The following SLC24A2 variants were observed in gnomAD, a reference collection of about 807,000 sequenced individuals.
The protein encoded by SLC24A2 is solute carrier family 24 member 2, also known as sodium/potassium/calcium exchanger 2.
SLC24A2 carries 36 observed loss-of-function variants against 62.0 expected under a neutral mutation model. The observed-to-expected ratio is 0.58, with a 90% CI of 0.44 to 0.77. The LOEUF (loss-of-function observed/expected upper bound fraction) is 0.77, where lower values mean the gene tolerates loss of function less well. Ranked by LOEUF, SLC24A2 falls within the 30% of genes least tolerant of loss-of-function variation. The probability of loss-of-function intolerance (pLI) is 0.00; values close to 1 mark genes in which losing one functional copy is unlikely to be tolerated. For synonymous variants in SLC24A2, 358 were observed against 294.0 expected, an observed-to-expected ratio of 1.22 and a Z score of -2.23; for missense variants, 846 against 817.9, an observed-to-expected ratio of 1.03 and a Z score of -0.42.
At chr9:19,684,510 A>G (rs142428921) in intron 2 of SLC24A2, among the ~76,000 whole-genome samples, 53 of 152,152 alleles carry the variant, frequency 3.5e-4, no homozygotes, top group African/African-American at 1.2e-3. Flanking sequence ...GACCCACACT[A>G]CAAGTGAGCA....
chr9:20,293,842 C>T, the SLC24A2 span, among the ~76,000 whole-genome samples: 1 of 152,238 alleles, frequency 6.6e-6, no homozygotes, highest in East Asian at 1.9e-4. Flanking sequence ...CCACTCCCAC[C>T]CCCTTAGTCC....
Position 19,508,288 on chromosome 9 carries a change from C to G in SLC24A2, c.*7865G>C, listed in dbSNP as rs1832582940. 1 of 152,158 alleles carries G rather than the reference C, an allele frequency of 6.6e-6. No individual in the cohort carries two copies. Among genetic ancestry groups the G allele is most frequent in the African/African-American group, 2.4e-5 (1 of 41,436 alleles). 9.4% of individuals were successfully genotyped at this position (152,158 alleles called of 1,614,324 possible). On this transcript the variant is annotated 3_prime_UTR_variant, in exon 11 of 11. Transcript: ENST00000341998. ...ATAGAGTCTCAGCCCTTTAGAGAAA[C>G]TCTTCAGACCACAAAACAGCCTCTA...
chr9:19,865,686 T>G, the SLC24A2 span, among the ~76,000 whole-genome samples: 1 of 152,100 alleles, frequency 6.6e-6, no homozygotes, highest in Admixed American at 6.5e-5. Context: ...TCTTGCCATA[T>G]ACAAAAATCA....
chr9:19,574,965 T>G (rs115311006), intron 6 of SLC24A2, among the ~76,000 whole-genome samples: 1 of 152,136 alleles, frequency 6.6e-6, no homozygotes, highest in African/African-American at 2.4e-5. Context: ...AGAATGTGCT[T>G]TTTTTTTCCT....
chr9:19,907,126 T>C, the SLC24A2 span, among the ~76,000 whole-genome samples: 1 of 152,066 alleles, frequency 6.6e-6, no homozygotes, highest in Non-Finnish European at 1.5e-5. Context: ...AGCTTATCCA[T>C]CATGATCAAG....
At chr9:19,563,129 T>A (rs1287787481) in intron 7 of SLC24A2, among the ~76,000 whole-genome samples, 1 of 151,870 alleles carries the variant, frequency 6.6e-6, no homozygotes, top group Non-Finnish European at 1.5e-5. Flanking sequence ...ATAAACAGTC[T>A]GATGAAGAGT....
the SLC24A2 span, among the ~76,000 whole-genome samples, chr9:20,113,790 T>C: frequency 2.6e-5 from 4 of 152,320 alleles, no homozygotes; most frequent in East Asian, 7.7e-4. Context: ...GTCTTCTATA[T>C]AAATTTTTAT....
In SLC24A2 at chr9:19,528,064, G is replaced by C. The variant is rs768106177; in HGVS notation, c.1554C>G (p.Val518=). ...AAAATCTTACCTGGTGCGCCCACCA[G>C]ACCATCAAGTAAGAGAATACTGCAA... ...TWIAVFSYLM[V]WWAHQVGETI... The change falls in exon 9 of 11, where the codon GTC becomes GTG. Residue 518 remains valine (V), a synonymous_variant. Coordinates refer to ENST00000341998, the MANE Select transcript of SLC24A2 (RefSeq NM_020344.4). The C allele has an allele frequency of 5.0e-6, 8 of 1,593,058 alleles. No individual in the cohort carries two copies. The South Asian group carries it at 6.9e-5, about 14-fold the overall frequency.
the SLC24A2 span, among the ~76,000 whole-genome samples, chr9:20,300,845 A>G: frequency 0.1 from 15,379 of 152,216 alleles, 1,667 homozygotes; most frequent in East Asian, 0.32. Context: ...TGTGTTACAG[A>G]TAATATAAAG....
At chr9:19,990,574 G>A in the SLC24A2 span, among the ~76,000 whole-genome samples, 1 of 143,608 alleles carries the variant, frequency 7.0e-6, no homozygotes, top group Non-Finnish European at 1.5e-5. Context: ...TCACACCACT[G>A]CACTCCAGCC....
chr9:20,218,914 C>T, the SLC24A2 span, among the ~76,000 whole-genome samples: 2 of 152,150 alleles, frequency 1.3e-5, no homozygotes, highest in African/African-American at 4.8e-5. Flanking sequence ...GGCTCAGAGT[C>T]ATTGGGAACC....
chr9:19,627,335 AT>A (rs1564005134), intron 2 of SLC24A2, among the ~76,000 whole-genome samples: 2 of 152,166 alleles, frequency 1.3e-5, no homozygotes. Flanking sequence ...TAGTAGAAAA[AT>A]TTTTTGAGAA....
At chr9:20,169,982 CA>C in the SLC24A2 span, among the ~76,000 whole-genome samples, 1 of 151,640 alleles carries the variant, frequency 6.6e-6, no homozygotes, top group Non-Finnish European at 1.5e-5. Flanking sequence ...ACAGCATAAG[CA>C]AAAACAATCA....
intron 4 of SLC24A2, among the ~76,000 whole-genome samples, chr9:19,608,317 CTT>C (rs879339807): frequency 3.5e-5 from 5 of 143,378 alleles, no homozygotes; most frequent in Non-Finnish European, 3.1e-5. Context: ...CATTTTGAAG[CTT>C]TTTTTTTTTT....
intron 2 of SLC24A2, among the ~76,000 whole-genome samples, chr9:19,724,577 G>C (rs78796773): frequency 0.02 from 3,105 of 152,190 alleles, 112 homozygotes; most frequent in African/African-American, 0.071. Flanking sequence ...TACAAGGTCT[G>C]ATATTTTACT....
intron 7 of SLC24A2, among the ~76,000 whole-genome samples, chr9:19,572,319 T>C (rs1478188587): frequency 6.6e-6 from 1 of 151,566 alleles, no homozygotes; most frequent in Non-Finnish European, 1.5e-5. Context: ...GCTGTGAGGT[T>C]AAAGGTGATA....
At chr9:20,191,468 C>G in the SLC24A2 span, among the ~76,000 whole-genome samples, 2 of 151,876 alleles carry the variant, frequency 1.3e-5, no homozygotes, top group African/African-American at 4.8e-5. Flanking sequence ...AGGTGAGTGC[C>G]TAAGACCAGA....
intron 2 of SLC24A2, among the ~76,000 whole-genome samples, chr9:19,641,328 C>T (rs1818486973): frequency 6.6e-6 from 1 of 152,238 alleles, no homozygotes; most frequent in Non-Finnish European, 1.5e-5. Context: ...CTCCTCCAAA[C>T]ATGCATATCC....
chr9:20,144,070 AT>A, the SLC24A2 span, among the ~76,000 whole-genome samples: 1 of 152,202 alleles, frequency 6.6e-6, no homozygotes, highest in Non-Finnish European at 1.5e-5. Flanking sequence ...CGGGAAGCAA[AT>A]GGCTTGGTGG....
Sources: allele counts gnomAD v4.1 joint callset (sites outside exome capture counted in the v4.1 genomes callset), GRCh38; gene constraint gnomAD v4.1.1; transcripts MANE v1.5; gene names NCBI Gene and HGNC (gene_info 2026-07-23, HGNC 2026-07-21).